Variants in ZNF385C observed in about 807,000 individuals in gnomAD.
The protein encoded by ZNF385C is zinc finger protein 385C, also known as CTD-2132N18.2.
In ZNF385C, 28 loss-of-function variants were observed where a neutral mutation model predicts 35.4. The observed-to-expected ratio is 0.79, with a 90% CI of 0.59 to 1.08. The LOEUF (loss-of-function observed/expected upper bound fraction) is 1.08, where lower values mean the gene tolerates loss of function less well. Among genes scored for constraint, ZNF385C ranks in the 50% least tolerant of loss-of-function variants. The pLI is 0.00. For synonymous variants in ZNF385C, 248 were observed against 248.2 expected, an observed-to-expected ratio of 1.00 and a Z score of 0.01; for missense variants, 605 against 595.6, an observed-to-expected ratio of 1.02 and a Z score of -0.16.
At chr17:42,086,315 C>T (rs1474487794) in intron 1 of ZNF385C, among the ~76,000 whole-genome samples, 2 of 152,100 alleles carry the variant, frequency 1.3e-5, no homozygotes, top group Admixed American at 1.3e-4. Flanking sequence ...TCGCTTCAAC[C>T]AGGCAGGCAG....
chr17:42,080,058 G>A (rs2053732189), intron 1 of ZNF385C, among the ~76,000 whole-genome samples: 1 of 152,220 alleles, frequency 6.6e-6, no homozygotes, highest in African/African-American at 2.4e-5. Context: ...GCTTGGCAGA[G>A]CTACCTGGGG....
intron 1 of ZNF385C, among the ~76,000 whole-genome samples, chr17:42,068,527 G>T (rs547982503): frequency 1.6e-4 from 25 of 151,866 alleles, no homozygotes; most frequent in Admixed American, 7.2e-4. Flanking sequence ...TTTCTTTTTT[G>T]GGGGGGATAG....
intron 2 of ZNF385C, among the ~76,000 whole-genome samples, chr17:42,053,136 G>A (rs2053314666): frequency 6.6e-6 from 1 of 152,162 alleles, no homozygotes; most frequent in South Asian, 2.1e-4. Context: ...CTCAGGATGT[G>A]CAGACTGCCC....
intron 2 of ZNF385C, among the ~76,000 whole-genome samples, chr17:42,048,533 C>A (rs143076509): frequency 1.3e-5 from 2 of 152,064 alleles, no homozygotes; most frequent in African/African-American, 4.8e-5. Flanking sequence ...GGTGACACAG[C>A]GAGACCCTGT....
rs1010116083 is a variant in ZNF385C at position 42,039,967 on chromosome 17, T to C, written c.251-2082A>G. On this transcript the variant is annotated intron_variant, in intron 2 of 8. Transcript: ENST00000692273. ...GAAGTCGGGGAAGAGCTCGTGCAGC[T>C]CCGAGTGCGCGCACGCCAGCTGGGT... is the stretch of plus-strand genomic sequence containing the variant. 8.4e-5 allele frequency: 103 copies of C among 1,230,974 alleles called. No individual in the cohort carries two copies. In the East Asian group the frequency reaches 1.7e-3, roughly 21 times the overall value. 76.3% of individuals were successfully genotyped at this position (1,230,974 alleles called of 1,614,324 possible).
chr17:42,032,668 G>A (rs573299093), intron 4 of ZNF385C, among the ~76,000 whole-genome samples: 3 of 151,812 alleles, frequency 2.0e-5, no homozygotes, highest in African/African-American at 4.8e-5. Context: ...CCCGGGGTCC[G>A]GCAGGAAGAA....
rs2052890329 is a variant in ZNF385C at position 42,037,653 on chromosome 17, C to G, written c.399+84G>C. Reference sequence around the variant, plus strand: ...AAAAGCTCCTGGTTAGACCCAGCTGCTGAGAGCTGGACCCTCTGAACCCAC... The same window carrying G: ...AAAAGCTCCTGGTTAGACCCAGCTGGTGAGAGCTGGACCCTCTGAACCCAC... On this transcript the variant is annotated intron_variant, in intron 3 of 8. Coordinates refer to ENST00000692273, the MANE Select transcript of ZNF385C (RefSeq NM_001392013.1). 3.5e-6 allele frequency: 5 copies of G among 1,413,962 alleles called. No individual in the cohort carries two copies. The African/African-American group carries it at 5.9e-5, about 17-fold the overall frequency. 87.6% of individuals were successfully genotyped at this position (1,413,962 alleles called of 1,614,324 possible). A position where few individuals can be genotyped will look rare whatever the true frequency, so the allele number is the denominator to read the frequency against.
At chr17:42,059,608 C>CTTT (rs1555657823) in intron 2 of ZNF385C, among the ~76,000 whole-genome samples, 32 of 114,158 alleles carry the variant, frequency 2.8e-4, no homozygotes, top group African/African-American at 9.6e-4. Context: ...GAGCTGTGAC[C>CTTT]TTTTTTGTTG....
chr17:42,042,219 AACC>A (rs1479096913), intron 2 of ZNF385C, among the ~76,000 whole-genome samples: 1 of 152,002 alleles, frequency 6.6e-6, no homozygotes, highest in Non-Finnish European at 1.5e-5. Flanking sequence ...GTTTAAAAAA[AACC>A]AAAAAACAAA....
chr17:42,076,034 G>A (rs921827655), intron 1 of ZNF385C, among the ~76,000 whole-genome samples: 14 of 152,080 alleles, frequency 9.2e-5, no homozygotes, highest in South Asian at 2.1e-4. Context: ...AGTTTCCTGC[G>A]CTGGGAGGCC....
intron 1 of ZNF385C, among the ~76,000 whole-genome samples, chr17:42,083,030 T>C (rs937615098): frequency 4.0e-5 from 6 of 151,810 alleles, no homozygotes; most frequent in African/African-American, 7.2e-5. Context: ...TGAGCCAAGA[T>C]TGCGTCACTG....
At chr17:42,097,613 C>T (rs1006921409) in intron 1 of ZNF385C, among the ~76,000 whole-genome samples, 2 of 152,162 alleles carry the variant, frequency 1.3e-5, no homozygotes, top group Admixed American at 1.3e-4. Context: ...GCTGCCTCTC[C>T]TTAGTGGCTC....
At chr17:42,093,337 C>G (rs2053882565) in intron 1 of ZNF385C, among the ~76,000 whole-genome samples, 1 of 152,140 alleles carries the variant, frequency 6.6e-6, no homozygotes, top group Non-Finnish European at 1.5e-5. Context: ...AGGGAGACTC[C>G]AAGTCCCAAC....
At position 42,026,879 on chromosome 17, in the gene ZNF385C, C is replaced by G. The variant is rs1477051618; in HGVS notation, c.*18G>C. 17 of 1,570,200 alleles carry G rather than the reference C, an allele frequency of 1.1e-5. No homozygotes were observed. Among genetic ancestry groups the G allele is most frequent in the Non-Finnish European group, 1.5e-5 (17 of 1,156,788 alleles). On this transcript the variant is annotated 3_prime_UTR_variant, in exon 9 of 9. Transcript: ENST00000692273. ...AGGAGTGGCTATTGGGAAATCAGCT[C>G]TGGCCTCCCCATGAGGGCTAATAAG...
chr17:42,038,038 C>A (rs2052906872), intron 2 of ZNF385C, 153 bp from the exon 3 acceptor site: 1 of 1,535,760 alleles, frequency 6.5e-7, no homozygotes. Context: ...GTGATTATAG[C>A]CCCCTTCTCT....
rs2053906736 is a variant in ZNF385C, at chr17:42,095,319, G to T, written c.-3+3091C>A. On this transcript the variant is annotated intron_variant, in intron 1 of 8. Coordinates refer to ENST00000692273, the MANE Select transcript of ZNF385C (RefSeq NM_001392013.1). The surrounding 1 kb of genome is among the most constrained non-coding windows in gnomAD (Gnocchi z 4.4). ...CGCTGGGGATGACCCCCGCCGCCTG[G>T]CCAGCTGACCCCACAGTCTCCCCTG... Among the ~76,000 whole-genome samples the T allele has an allele frequency of 6.6e-6, 1 of 152,146 alleles. No individual in the cohort carries two copies. Among genetic ancestry groups the T allele is most frequent in the South Asian group, 2.1e-4 (1 of 4,830 alleles).
At chr17:42,084,834 C>G (rs1386779003) in intron 1 of ZNF385C, among the ~76,000 whole-genome samples, 1 of 152,042 alleles carries the variant, frequency 6.6e-6, no homozygotes, top group African/African-American at 2.4e-5. Context: ...CTAGGCTGAT[C>G]TTGAACACCT....
chr17:42,035,161 GGAAAA>G (rs1301855018), intron 3 of ZNF385C, among the ~76,000 whole-genome samples: 5 of 147,154 alleles, frequency 3.4e-5, no homozygotes, highest in East Asian at 2.0e-4. Flanking sequence ...AGAAAAGAAA[GGAAAA>G]GAAAAGAAAA....
In ZNF385C at chr17:42,026,867, G is replaced by A. The variant is rs2052589707; in HGVS notation, c.*30C>T. ...CAGGAGGAGACAAGGAGTGGCTATT[G>A]GGAAATCAGCTCTGGCCTCCCCATG... On this transcript the variant is annotated 3_prime_UTR_variant, in exon 9 of 9. Coordinates refer to ENST00000692273, the MANE Select transcript of ZNF385C (RefSeq NM_001392013.1). The A allele has an allele frequency of 5.1e-6, 8 of 1,557,640 alleles. No individual in the cohort carries two copies. The highest frequency in any genetic ancestry group is 7.0e-6 in the Non-Finnish European group (8 of 1,147,852).
Sources: gnomAD v4.1 joint callset for allele counts (sites outside exome capture counted in the v4.1 genomes callset) on GRCh38, gnomAD v4.1.1 for gene constraint, Gnocchi (gnomAD v3.1) non-coding constraint, MANE v1.5 for transcripts, NCBI Gene and HGNC (gene_info 2026-07-23, HGNC 2026-07-21) for gene names.